DCAKD: variants seen among roughly 807,000 people sequenced by gnomAD.
DCAKD encodes the protein dephospho-CoA kinase domain-containing protein.
DCAKD carries 15 observed loss-of-function variants against 18.7 expected under a neutral mutation model. That is an observed-to-expected ratio of 0.80 (90% CI 0.54 to 1.24). DCAKD has a LOEUF of 1.24. Among genes scored for constraint, DCAKD ranks in the 50% most tolerant of loss-of-function variants. DCAKD has a pLI of 0.00. For synonymous variants in DCAKD, 130 were observed against 133.0 expected (o/e 0.98, Z 0.16); for missense variants, 301 against 322.0 (o/e 0.93, Z 0.50).
chr17:45,058,130 C>A (rs959421971), intron 1 of DCAKD, among the ~76,000 whole-genome samples: 6 of 150,868 alleles, frequency 4.0e-5, no homozygotes, highest in African/African-American at 1.5e-4. Context: ...GCCTGGCCAA[C>A]GTGGTGAAAC....
intron 1 of DCAKD, among the ~76,000 whole-genome samples, chr17:45,050,663 G>T (rs544366405): frequency 4.1e-5 from 6 of 147,464 alleles, no homozygotes; most frequent in African/African-American, 1.5e-4. Context: ...ATTTATTCAG[G>T]TAAAATGAGC....
At chr17:45,047,773 G>A (rs909121551) in intron 1 of DCAKD, among the ~76,000 whole-genome samples, 24 of 151,762 alleles carry the variant, frequency 1.6e-4, no homozygotes, top group African/African-American at 4.4e-4. Context: ...AAAGTGCTGG[G>A]TTTACAGGCG....
chr17:45,054,800 C>G (rs969054054), upstream of DCAKD, among the ~76,000 whole-genome samples: 2 of 152,180 alleles, frequency 1.3e-5, no homozygotes, highest in African/African-American at 4.8e-5. Context: ...CATGGCTGGC[C>G]AAGACAGGGA....
upstream of DCAKD, among the ~76,000 whole-genome samples, chr17:45,053,623 G>C (rs565853943): frequency 3.9e-5 from 6 of 152,294 alleles, no homozygotes; most frequent in South Asian, 1.2e-3. Flanking sequence ...GTTTCACCAC[G>C]TTGGCCGGGC....
At chr17:45,046,254 G>A (rs1278190869) in intron 1 of DCAKD, among the ~76,000 whole-genome samples, 1 of 152,200 alleles carries the variant, frequency 6.6e-6, no homozygotes, top group African/African-American at 2.4e-5. Flanking sequence ...CTAGGAAGGT[G>A]AGCTTCCCAG....
intron 1 of DCAKD, among the ~76,000 whole-genome samples, chr17:45,046,013 G>A (rs1384601725): frequency 6.6e-6 from 1 of 151,840 alleles, no homozygotes; most frequent in Non-Finnish European, 1.5e-5. Context: ...TTTTAGTAGA[G>A]ACGGGATTTC....
At chr17:45,028,409 C>CTT (rs545681429) in intron 4 of DCAKD, among the ~76,000 whole-genome samples, 6 of 132,776 alleles carry the variant, frequency 4.5e-5, no homozygotes, top group Admixed American at 7.7e-5. Context: ...CACACCCGGC[C>CTT]TTTTTTTTTT....
Position 45,045,697 on chromosome 17 carries a change from G to A in DCAKD, c.-115+5664C>T, listed in dbSNP as rs149857974. ...CAGTGAGCAGAGATCGCACCACTGC[G>A]CTCCAGCCTGAGCAACAGAGCAAGA... On this transcript the variant is annotated intron_variant, in intron 1 of 4. Coordinates refer to ENST00000651974, the MANE Select transcript of DCAKD (RefSeq NM_001288655.2). 2.1e-3 allele frequency among the ~76,000 whole-genome samples: 312 copies of A among 145,456 alleles called. 1 individual carries two copies. The highest frequency in any genetic ancestry group is 7.8e-3 in the African/African-American group (300 of 38,700).
At chr17:45,057,668 A>G (rs973745237) in intron 1 of DCAKD, among the ~76,000 whole-genome samples, 8 of 147,194 alleles carry the variant, frequency 5.4e-5, no homozygotes, top group African/African-American at 2.0e-4. Context: ...GTGCCACTGC[A>G]CTCCAGCCTG....
intron 1 of DCAKD, among the ~76,000 whole-genome samples, chr17:45,046,928 G>A (rs1317380733): frequency 6.6e-6 from 1 of 152,046 alleles, no homozygotes; most frequent in African/African-American, 2.4e-5. Context: ...CAATTCAAAA[G>A]GTCAGTATTC....
intron 1 of DCAKD, among the ~76,000 whole-genome samples, chr17:45,058,736 T>G (rs1440511257): frequency 1.3e-5 from 2 of 152,012 alleles, no homozygotes; most frequent in Non-Finnish European, 2.9e-5. Flanking sequence ...TTTATTATTC[T>G]TCTTCTTACC....
At chr17:45,050,808 G>A (rs930106482) in intron 1 of DCAKD, among the ~76,000 whole-genome samples, 5 of 148,544 alleles carry the variant, frequency 3.4e-5, no homozygotes, top group African/African-American at 1.1e-4. Flanking sequence ...ACAACTAAGG[G>A]AGAGTGAAAA....
chr17:45,033,442 T>C (rs1374759819), intron 3 of DCAKD, among the ~76,000 whole-genome samples: 1 of 152,194 alleles, frequency 6.6e-6, no homozygotes, highest in Non-Finnish European at 1.5e-5. Flanking sequence ...GGACCCTCAG[T>C]CTTCCTAACA....
upstream of DCAKD, among the ~76,000 whole-genome samples, chr17:45,053,186 A>AAC (rs2053742456): frequency 6.7e-6 from 1 of 149,056 alleles, no homozygotes; most frequent in African/African-American, 2.5e-5. Flanking sequence ...AAAAAAAAAA[A>AAC]AAAAAAAAAA....
At chr17:45,031,374 C>A (rs924475533) in intron 3 of DCAKD, 2 of 983,446 alleles carry the variant, frequency 2.0e-6, no homozygotes. Context: ...AGCCCCCCCA[C>A]CTTCCCCACC....
At chr17:45,059,973 G>A (rs766404248) in intron 1 of DCAKD, among the ~76,000 whole-genome samples, 5 of 151,976 alleles carry the variant, frequency 3.3e-5, no homozygotes, top group African/African-American at 4.8e-5. Context: ...GTGTGGTGGC[G>A]TGCGCCTTTA....
upstream of DCAKD, among the ~76,000 whole-genome samples, chr17:45,054,347 A>G (rs2053758211): frequency 1.3e-5 from 2 of 151,902 alleles, no homozygotes; most frequent in African/African-American, 4.8e-5. Flanking sequence ...TCCCGGGTTC[A>G]AGTGATTCTC....
chr17:45,040,937 C>T (rs989287390), intron 1 of DCAKD, among the ~76,000 whole-genome samples: 4 of 152,114 alleles, frequency 2.6e-5, no homozygotes, highest in African/African-American at 9.7e-5. Flanking sequence ...TTAGAATCTC[C>T]TCTGGCAGTG....
intron 1 of DCAKD, among the ~76,000 whole-genome samples, chr17:45,049,753 C>G (rs1342031216): frequency 1.7e-5 from 2 of 118,160 alleles, no homozygotes; most frequent in African/African-American, 6.2e-5. Flanking sequence ...GAGTCTTGCT[C>G]TTGTCACCCA....
Sources: gnomAD v4.1 joint callset for allele counts (sites outside exome capture counted in the v4.1 genomes callset) on GRCh38, gnomAD v4.1.1 for gene constraint, MANE v1.5 for transcripts, NCBI Gene and HGNC (gene_info 2026-07-23, HGNC 2026-07-21) for gene names.